Variants in ATP9B observed in about 807,000 individuals in gnomAD.
The protein encoded by ATP9B is ATPase phospholipid transporting 9B, also known as probable phospholipid-transporting ATPase IIB.
A neutral mutation model predicts 146.1 loss-of-function variants in ATP9B; 110 were observed. The ratio of observed to expected loss-of-function variants is 0.75; its 90% CI spans 0.65 to 0.88. ATP9B has a LOEUF of 0.88. ATP9B is among the 40% of genes least tolerant of loss of function. The probability of loss-of-function intolerance (pLI) is 0.00; values close to 1 mark genes in which losing one functional copy is unlikely to be tolerated. For missense variants in ATP9B, 1,499 were observed against 1,496.4 expected (o/e 1.00, Z -0.03); for synonymous variants, 604 against 569.7 (o/e 1.06, Z -0.86).
chr18:79,161,856 A>G (rs1458299918), intron 7 of ATP9B, among the ~76,000 whole-genome samples: 1 of 152,182 alleles, frequency 6.6e-6, no homozygotes, highest in Non-Finnish European at 1.5e-5. Context: ...AAAAAAAAAG[A>G]AGTCAGATTG....
chr18:79,361,608 T>A (rs561561345), intron 26 of ATP9B: 11 of 209,294 alleles, frequency 5.3e-5, no homozygotes, highest in African/African-American at 1.7e-4. Flanking sequence ...AACTTTTTTT[T>A]AAATCTACTA....
intron 5 of ATP9B, among the ~76,000 whole-genome samples, chr18:79,131,208 C>T (rs377335029): frequency 3.9e-5 from 6 of 151,960 alleles, no homozygotes; most frequent in Middle Eastern, 3.2e-3. Flanking sequence ...AAAGCTAATA[C>T]GCTTTCGTGC....
intron 20 of ATP9B, 49 bp downstream of exon 20, chr18:79,342,415 C>A: frequency 3.2e-6 from 4 of 1,265,924 alleles, no homozygotes; most frequent in Non-Finnish European, 4.6e-6. Flanking sequence ...TTGTCTCACA[C>A]AAACGAAGCC....
intron 7 of ATP9B, among the ~76,000 whole-genome samples, chr18:79,162,474 A>C (rs765217788): frequency 6.6e-6 from 1 of 152,242 alleles, no homozygotes; most frequent in Non-Finnish European, 1.5e-5. Context: ...ACTAATTTTC[A>C]TCAATCTCTT....
chr18:79,265,270 G>C (rs1433119677), intron 12 of ATP9B, among the ~76,000 whole-genome samples: 1 of 152,142 alleles, frequency 6.6e-6, no homozygotes, highest in Non-Finnish European at 1.5e-5. Context: ...TTTTATGGCT[G>C]TATAGTATTC....
chr18:79,097,513 T>A (rs1328975992), intron 2 of ATP9B, among the ~76,000 whole-genome samples: 2 of 137,326 alleles, frequency 1.5e-5, no homozygotes, highest in Non-Finnish European at 3.1e-5. Flanking sequence ...TTATTTGTTC[T>A]TTCCCTCCCC....
intron 7 of ATP9B, among the ~76,000 whole-genome samples, chr18:79,155,753 CTTTTTTT>C (rs56002235): frequency 4.1e-5 from 3 of 74,074 alleles, no homozygotes; most frequent in Admixed American, 1.6e-4. Flanking sequence ...TGTTTTCTCT[CTTTTTTT>C]TTTTTTTTTT....
intron 14 of ATP9B, among the ~76,000 whole-genome samples, chr18:79,306,209 TACTCCGA>T (rs1225143035): frequency 6.6e-6 from 1 of 152,252 alleles, no homozygotes; most frequent in Non-Finnish European, 1.5e-5. Context: ...TGTCATGAGT[TACTCCGA>T]AGTTAACTGA....
chr18:79,354,725 AG>A (rs1442281206), intron 25 of ATP9B, among the ~76,000 whole-genome samples: 1 of 150,158 alleles, frequency 6.7e-6, no homozygotes, highest in African/African-American at 2.4e-5. Flanking sequence ...AGGTGAACAG[AG>A]GGGGCAAGGG....
rs1286277813 is a variant in ATP9B, at chr18:79,176,885, C to T, written c.851C>T (p.Thr284Met). ...DWKLKVAVSC[T>M]QQLPALGDLF... is the part of the protein sequence containing the mutation. ...AAGCTGAAGGTGGCAGTGAGCTGCA[C>T]GCAACAGCTGCCGGCTCTGGGGGTG... The change falls in exon 8 of 30, where the codon ACG becomes ATG. Residue 284 changes from threonine to methionine, a missense_variant. Physicochemically the swap from Thr to Met is moderately conservative, Grantham distance 81. Transcript: ENST00000426216. The T allele has an allele frequency of 6.2e-6, 10 of 1,613,878 alleles. No individual in the cohort carries two copies. Among genetic ancestry groups the T allele is most frequent in the Admixed American group, 3.3e-5 (2 of 59,990 alleles).
At chr18:79,198,668 T>C (rs2095438680) in intron 9 of ATP9B, among the ~76,000 whole-genome samples, 1 of 152,194 alleles carries the variant, frequency 6.6e-6, no homozygotes, top group South Asian at 2.1e-4. Context: ...TGGGCAGTTG[T>C]CACACAATGA....
chr18:79,298,125 C>G (rs1171347417), intron 13 of ATP9B, among the ~76,000 whole-genome samples: 1 of 146,442 alleles, frequency 6.8e-6, no homozygotes, highest in Non-Finnish European at 1.5e-5. Flanking sequence ...AAGGGGAATG[C>G]AAGGTATGGA....
At chr18:79,139,119 T>C (rs753986359) in intron 5 of ATP9B, among the ~76,000 whole-genome samples, 2 of 152,234 alleles carry the variant, frequency 1.3e-5, no homozygotes, top group Non-Finnish European at 2.9e-5. Context: ...TGGATATAAA[T>C]ACATTTTTAT....
In ATP9B at chr18:79,298,135, A is replaced by G. The variant is rs1464028414; in HGVS notation, c.1412-5469A>G. Among the ~76,000 whole-genome samples the G allele has an allele frequency of 1.4e-5, 2 of 146,938 alleles. 1 individual carries two copies. The highest frequency in any genetic ancestry group is 5.0e-5 in the African/African-American group (2 of 39,968). ...TAAGAAAGGGGAATGCAAGGTATGG[A>G]TATCAGAAAGGAAGAAATCGAGTTA... On this transcript the variant is annotated intron_variant, in intron 13 of 29. Transcript: ENST00000426216.
rs758794110 is a variant in ATP9B at position 79,069,452 on chromosome 18, G to C, written c.42G>C (p.Ala14=). The change falls in exon 1 of 30, where the codon GCG becomes GCC. Residue 14 remains alanine, a synonymous_variant. Transcript: ENST00000426216. The part of the protein sequence containing the change: ...QIPLYPVRSA[A]AAAANRKRAA... ...CGCTTTACCCGGTGCGTAGCGCAGCGGCGGCCGCAGCCAACCGCAAACGCG... is the reference window on the plus strand; with the variant it reads ...CGCTTTACCCGGTGCGTAGCGCAGCCGCGGCCGCAGCCAACCGCAAACGCG... The C allele has an allele frequency of 1.3e-6, 2 of 1,513,040 alleles. No homozygotes were observed. Among genetic ancestry groups the C allele is most frequent in the Middle Eastern group, 2.1e-4 (1 of 4,712 alleles). The allele number at this position is 1,513,040 out of a possible 1,614,324, so 93.7% of individuals were successfully genotyped here. A position where few individuals can be genotyped will look rare whatever the true frequency, so the allele number is the denominator to read the frequency against.
chr18:79,074,098 G>A (rs1458812425), intron 1 of ATP9B, among the ~76,000 whole-genome samples: 2 of 152,178 alleles, frequency 1.3e-5, no homozygotes, highest in African/African-American at 4.8e-5. Flanking sequence ...GGTTCTAAAT[G>A]ACATTTTAAT....
At chr18:79,280,199 A>G (rs773945343) in intron 13 of ATP9B, among the ~76,000 whole-genome samples, 4 of 152,258 alleles carry the variant, frequency 2.6e-5, no homozygotes, top group Non-Finnish European at 2.9e-5. Flanking sequence ...TGGATTTCAA[A>G]ATAGAATGTT....
intron 26 of ATP9B, among the ~76,000 whole-genome samples, chr18:79,370,115 A>G (rs2097060417): frequency 6.6e-6 from 1 of 152,216 alleles, no homozygotes; most frequent in Admixed American, 6.5e-5. Context: ...ATGAAAATAA[A>G]TTTTAAAAAT....
intron 15 of ATP9B, among the ~76,000 whole-genome samples, chr18:79,320,288 C>T (rs8087400): frequency 0.42 from 64,348 of 151,940 alleles, 13,975 homozygotes; most frequent in Middle Eastern, 0.55. Context: ...GTCCCTAGAA[C>T]GCAGCGGAGG....
Sources: gnomAD v4.1 joint callset for allele counts (sites outside exome capture counted in the v4.1 genomes callset) on GRCh38, gnomAD v4.1.1 for gene constraint, MANE v1.5 for transcripts, NCBI Gene and HGNC (gene_info 2026-07-23, HGNC 2026-07-21) for gene names.